Variants in ASTN2 observed in about 807,000 individuals in gnomAD.
ASTN2 encodes astrotactin 2, also known as astrotactin-2.
Under a neutral mutation model 139.8 loss-of-function variants are expected in ASTN2, and 54 were observed. The ratio of observed to expected loss-of-function variants is 0.39; its 90% CI spans 0.31 to 0.48. The LOEUF is 0.48. ASTN2 is among the 20% of genes least tolerant of loss of function. The pLI is 0.95. For missense variants in ASTN2, 1,565 were observed against 1,725.1 expected, an observed-to-expected ratio of 0.91 and a Z score of 1.64; for synonymous variants, 756 against 719.5, an observed-to-expected ratio of 1.05 and a Z score of -0.81.
intron 11 of ASTN2, among the ~76,000 whole-genome samples, chr9:116,846,104 A>G (rs1379976218): frequency 1.3e-5 from 2 of 152,216 alleles, no homozygotes; most frequent in Non-Finnish European, 2.9e-5. Flanking sequence ...AGCCAGTCAC[A>G]AAAAGACAAA....
At chr9:116,655,800 C>G (rs1337841544) in intron 16 of ASTN2, among the ~76,000 whole-genome samples, 2 of 152,208 alleles carry the variant, frequency 1.3e-5, no homozygotes, top group African/African-American at 4.8e-5. Flanking sequence ...AAGCAATCCC[C>G]CCACCTCAGC....
At chr9:116,513,744 T>G (rs1280583422) in intron 19 of ASTN2, among the ~76,000 whole-genome samples, 1 of 152,200 alleles carries the variant, frequency 6.6e-6, no homozygotes, top group African/African-American at 2.4e-5. Context: ...CTTCATTTCA[T>G]TCATTTGATC....
intron 2 of ASTN2, among the ~76,000 whole-genome samples, chr9:117,276,449 C>G (rs1236823902): frequency 6.6e-6 from 1 of 152,200 alleles, no homozygotes; most frequent in Non-Finnish European, 1.5e-5. Flanking sequence ...CTCATCTCCC[C>G]CCAGACAGCC....
intron 3 of ASTN2, among the ~76,000 whole-genome samples, chr9:117,210,421 TTATGAACAGC>T (rs1832082419): frequency 6.6e-6 from 1 of 152,076 alleles, no homozygotes; most frequent in South Asian, 2.1e-4. Flanking sequence ...TCAAAGGCTA[TTATGAACAGC>T]TATAGGTCAA....
At chr9:116,470,059 C>T (rs1455691386) in intron 20 of ASTN2, among the ~76,000 whole-genome samples, 1 of 151,980 alleles carries the variant, frequency 6.6e-6, no homozygotes, top group Non-Finnish European at 1.5e-5. Flanking sequence ...CAAAAATTAG[C>T]TGGGCATGGT....
At chr9:116,827,138 C>T (rs1453135409) in intron 11 of ASTN2, among the ~76,000 whole-genome samples, 4 of 151,540 alleles carry the variant, frequency 2.6e-5, no homozygotes, top group East Asian at 3.9e-4. Flanking sequence ...GGAGAAAACC[C>T]GTCTCTATTA....
chr9:116,751,804 A>G (rs1040616930), intron 13 of ASTN2, among the ~76,000 whole-genome samples: 22 of 152,160 alleles, frequency 1.4e-4, no homozygotes, highest in African/African-American at 5.3e-4. Flanking sequence ...ATCTAACAAA[A>G]TACATAGAAG....
At chr9:116,647,880 A>G (rs79962789) in intron 17 of ASTN2, among the ~76,000 whole-genome samples, 4,288 of 152,220 alleles carry the variant, frequency 0.028, 185 homozygotes, top group African/African-American at 0.098. Flanking sequence ...TGACACAATC[A>G]CAGCTCACTG....
intron 13 of ASTN2, among the ~76,000 whole-genome samples, chr9:116,770,688 T>C (rs1367482108): frequency 6.6e-6 from 1 of 152,190 alleles, no homozygotes; most frequent in Non-Finnish European, 1.5e-5. Flanking sequence ...TCCAGTACTC[T>C]CCTGTTTTCC....
At chr9:116,788,410 CA>C (rs1830437255) in intron 13 of ASTN2, among the ~76,000 whole-genome samples, 1 of 152,092 alleles carries the variant, frequency 6.6e-6, no homozygotes, top group Admixed American at 6.5e-5. Context: ...GCACATATGT[CA>C]AAACATCACA....
chr9:117,349,433 A>G (rs1324624175), intron 1 of ASTN2, among the ~76,000 whole-genome samples: 2 of 152,200 alleles, frequency 1.3e-5, no homozygotes, highest in Non-Finnish European at 2.9e-5. Flanking sequence ...TGGAGAAATT[A>G]GACATGGCCC....
intron 1 of ASTN2, among the ~76,000 whole-genome samples, chr9:117,333,855 C>G (rs1297236732): frequency 6.6e-6 from 1 of 152,150 alleles, no homozygotes; most frequent in African/African-American, 2.4e-5. Flanking sequence ...AACAAGGTCT[C>G]TCTGAGCCAC....
intron 3 of ASTN2, among the ~76,000 whole-genome samples, chr9:117,195,179 GAGAGGAACTCACAT>G (rs1831463506): frequency 6.6e-6 from 1 of 152,210 alleles, no homozygotes; most frequent in Non-Finnish European, 1.5e-5. Context: ...GAAGACAAAA[GAGAGGAACTCACAT>G]AGAGAAAAGA....
chr9:117,220,663 A>C (rs1832483472), intron 2 of ASTN2, among the ~76,000 whole-genome samples: 1 of 152,138 alleles, frequency 6.6e-6, no homozygotes, highest in Non-Finnish European at 1.5e-5. Context: ...AACTGGTAGA[A>C]AGGCATGGGA....
chr9:116,860,947 G>C (rs921614989), intron 11 of ASTN2, among the ~76,000 whole-genome samples: 2 of 152,164 alleles, frequency 1.3e-5, no homozygotes, highest in African/African-American at 2.4e-5. Context: ...AGTCTACAGA[G>C]AAATGAAAGG....
chr9:116,519,483 CA>C (rs1368337755), intron 19 of ASTN2, among the ~76,000 whole-genome samples: 1 of 151,804 alleles, frequency 6.6e-6, no homozygotes, highest in Admixed American at 6.6e-5. Flanking sequence ...CACAACCTGT[CA>C]AAAACCTCTG....
chr9:116,519,572 T>A (rs949109416), intron 19 of ASTN2, among the ~76,000 whole-genome samples: 1 of 151,876 alleles, frequency 6.6e-6, no homozygotes, highest in African/African-American at 2.4e-5. Flanking sequence ...GAGCATAAAT[T>A]GACAATCTAA....
intron 5 of ASTN2, among the ~76,000 whole-genome samples, chr9:117,059,348 T>C (rs1213020613): frequency 1.3e-5 from 2 of 152,176 alleles, no homozygotes; most frequent in East Asian, 1.9e-4. Flanking sequence ...GCGTGGTGGC[T>C]CATGCCTGTA....
intron 19 of ASTN2, chr9:116,540,578 A>G (rs1187865799): frequency 6.6e-6 from 1 of 152,182 alleles, no homozygotes; most frequent in African/African-American, 2.4e-5. Context: ...TTGGCGAGCA[A>G]TCGTCCCACC....
Sources: allele counts gnomAD v4.1 joint callset (sites outside exome capture counted in the v4.1 genomes callset), GRCh38; gene constraint gnomAD v4.1.1; transcripts MANE v1.5; gene names NCBI Gene and HGNC (gene_info 2026-07-23, HGNC 2026-07-21).